Variants in HS3ST4 observed in about 807,000 individuals in gnomAD.
HS3ST4 encodes the protein heparan sulfate glucosamine 3-O-sulfotransferase 4.
In HS3ST4, 17 loss-of-function variants were observed where a neutral mutation model predicts 29.2. That is an observed-to-expected ratio of 0.58 (90% confidence interval 0.40 to 0.87). The LOEUF (loss-of-function observed/expected upper bound fraction) is 0.87, where lower values mean the gene tolerates loss of function less well. Ranked by LOEUF, HS3ST4 falls within the 40% of genes least tolerant of loss-of-function variation. The probability of loss-of-function intolerance (pLI) is 0.00; values close to 1 mark genes in which losing one functional copy is unlikely to be tolerated. For synonymous variants in HS3ST4, 314 were observed against 285.7 expected, an observed-to-expected ratio of 1.10 and a Z score of -1.00; for missense variants, 627 against 634.5, an observed-to-expected ratio of 0.99 and a Z score of 0.13.
At chr16:25,999,436 T>C (rs180818814) in intron 1 of HS3ST4, among the ~76,000 whole-genome samples, 116 of 152,248 alleles carry the variant, frequency 7.6e-4, no homozygotes, top group Non-Finnish European at 1.3e-3. Context: ...TCTTCTTTTC[T>C]TGATTAGATG....
intron 1 of HS3ST4, among the ~76,000 whole-genome samples, chr16:25,726,433 G>T (rs1044603275): frequency 2.6e-5 from 4 of 151,964 alleles, no homozygotes; most frequent in African/African-American, 9.7e-5. Context: ...GTGAACAAAT[G>T]GGTATGAAAC....
At chr16:25,697,604 G>T (rs1966306976) in intron 1 of HS3ST4, among the ~76,000 whole-genome samples, 1 of 152,206 alleles carries the variant, frequency 6.6e-6, no homozygotes, top group Non-Finnish European at 1.5e-5. Flanking sequence ...GTGGTGTAGT[G>T]CTTTGTAAAC....
intron 1 of HS3ST4, among the ~76,000 whole-genome samples, chr16:25,725,469 C>T (rs1398695025): frequency 6.6e-6 from 1 of 152,048 alleles, no homozygotes; most frequent in Non-Finnish European, 1.5e-5. Context: ...CTTTTCTGTG[C>T]CAAAAGCCTT....
intron 1 of HS3ST4, among the ~76,000 whole-genome samples, chr16:25,745,944 G>A (rs777606960): frequency 3.9e-5 from 6 of 152,190 alleles, no homozygotes; most frequent in Non-Finnish European, 4.4e-5. Context: ...GAAACACAAT[G>A]TCCACTGCAT....
intron 1 of HS3ST4, among the ~76,000 whole-genome samples, chr16:26,055,978 C>T (rs944434694): frequency 8.6e-5 from 13 of 151,482 alleles, no homozygotes; most frequent in Non-Finnish European, 1.6e-4. Flanking sequence ...AAACACAACA[C>T]CATACCTGAC....
rs146831592 is a variant in HS3ST4, at chr16:25,898,260, G to A, written c.734+205109G>A. Among the ~76,000 whole-genome samples the A allele has an allele frequency of 2.0e-3, 308 of 152,334 alleles. 2 individuals are homozygous for A. Among genetic ancestry groups the A allele is most frequent in the African/African-American group, 6.8e-3 (284 of 41,566 alleles). ...TTGCAAACTGAAAATGACTTTAGTA[G>A]TGCTAATGGCACTCACATAGTTAAT... On this transcript the variant is annotated intron_variant, in intron 1 of 1. Coordinates refer to ENST00000331351, the MANE Select transcript of HS3ST4 (RefSeq NM_006040.3).
At chr16:26,132,982 G>T (rs1899439633) in intron 1 of HS3ST4, among the ~76,000 whole-genome samples, 1 of 152,042 alleles carries the variant, frequency 6.6e-6, no homozygotes, top group Admixed American at 6.6e-5. Flanking sequence ...CTATACTCAG[G>T]CTGAGCTAAT....
At chr16:26,108,781 C>G (rs950260143) in intron 1 of HS3ST4, among the ~76,000 whole-genome samples, 1 of 152,148 alleles carries the variant, frequency 6.6e-6, no homozygotes, top group Non-Finnish European at 1.5e-5. Flanking sequence ...CTAGGAACTC[C>G]TTGATGACAG....
At chr16:25,895,691 C>T (rs1455894675) in intron 1 of HS3ST4, among the ~76,000 whole-genome samples, 1 of 151,728 alleles carries the variant, frequency 6.6e-6, no homozygotes, top group East Asian at 1.9e-4. Flanking sequence ...TCCTGGTTTG[C>T]AGATGGCTGC....
At chr16:25,969,097 C>T (rs369673628) in intron 1 of HS3ST4, among the ~76,000 whole-genome samples, 60 of 152,298 alleles carry the variant, frequency 3.9e-4, no homozygotes, top group African/African-American at 1.1e-3. Context: ...GGATTACAGG[C>T]GTGAGCCACC....
intron 1 of HS3ST4, among the ~76,000 whole-genome samples, chr16:26,079,192 G>A (rs908505539): frequency 3.9e-5 from 6 of 152,194 alleles, no homozygotes; most frequent in African/African-American, 9.7e-5. Flanking sequence ...TGGGATGCCC[G>A]AGACATAATA....
chr16:25,788,540 C>CT (rs34729954), intron 1 of HS3ST4, among the ~76,000 whole-genome samples: 28,553 of 98,268 alleles, frequency 0.29, 4,891 homozygotes, highest in Non-Finnish European at 0.38. Flanking sequence ...TTCTTTTCTT[C>CT]TTTCTTTTTT....
At chr16:25,866,447 C>T (rs1330333197) in intron 1 of HS3ST4, among the ~76,000 whole-genome samples, 1 of 152,134 alleles carries the variant, frequency 6.6e-6, no homozygotes. Flanking sequence ...AAATGTGGTA[C>T]ATATACACTA....
At chr16:26,074,171 G>T (rs1898632590) in intron 1 of HS3ST4, among the ~76,000 whole-genome samples, 1 of 152,094 alleles carries the variant, frequency 6.6e-6, no homozygotes, top group Admixed American at 6.6e-5. Context: ...GACCCTCTGA[G>T]GGCAGGAAAC....
intron 1 of HS3ST4, among the ~76,000 whole-genome samples, chr16:26,013,293 C>T (rs1969328934): frequency 6.6e-6 from 1 of 152,158 alleles, no homozygotes; most frequent in Non-Finnish European, 1.5e-5. Flanking sequence ...GGTACCATTC[C>T]TGGTTTTACC....
chr16:25,807,522 A>G (rs529707379), intron 1 of HS3ST4, among the ~76,000 whole-genome samples: 2 of 152,318 alleles, frequency 1.3e-5, no homozygotes, highest in Non-Finnish European at 2.9e-5. Flanking sequence ...GTGGTATTCC[A>G]TAATATTGAT....
At position 26,065,577 on chromosome 16, in the gene HS3ST4, CAT is replaced by C. The variant is rs199948379; in HGVS notation, c.735-70034_735-70033del. ...ATCTGTACAACAGACCTGCATAACA[CAT>C]GTTTACCTTTGTAACAAATCTGCAC... On this transcript the variant is annotated intron_variant, in intron 1 of 1. Coordinates refer to ENST00000331351, the MANE Select transcript of HS3ST4 (RefSeq NM_006040.3). Among the ~76,000 whole-genome samples, 15 of 152,088 alleles carry C rather than the reference CAT, an allele frequency of 9.9e-5. No individual in the cohort carries two copies. The East Asian group carries it at 1.2e-3, about 12-fold the overall frequency.
chr16:26,030,414 GAA>G (rs1396185563), intron 1 of HS3ST4, among the ~76,000 whole-genome samples: 4 of 152,168 alleles, frequency 2.6e-5, no homozygotes, highest in African/African-American at 9.7e-5. Flanking sequence ...CTAAAAAAGA[GAA>G]AGAAATAATG....
intron 1 of HS3ST4, among the ~76,000 whole-genome samples, chr16:25,774,933 A>T (rs3935634): frequency 2.0e-5 from 3 of 152,018 alleles, no homozygotes; most frequent in Non-Finnish European, 4.4e-5. Context: ...GCCCCAGCTC[A>T]TAGCATGGCA....
Sources: gnomAD v4.1 joint callset for allele counts (sites outside exome capture counted in the v4.1 genomes callset) on GRCh38, gnomAD v4.1.1 for gene constraint, MANE v1.5 for transcripts, NCBI Gene and HGNC (gene_info 2026-07-23, HGNC 2026-07-21) for gene names.